ZBTB10: variants seen among roughly 807,000 people sequenced by gnomAD.
ZBTB10 encodes zinc finger and BTB domain-containing protein 10.
ZBTB10 carries 32 observed loss-of-function variants against 76.4 expected under a neutral mutation model. The ratio of observed to expected loss-of-function variants is 0.42; its 90% CI spans 0.32 to 0.56. ZBTB10 has a LOEUF of 0.56. Among genes scored for constraint, ZBTB10 ranks in the 20% least tolerant of loss-of-function variants. The pLI, the probability that ZBTB10 is intolerant of heterozygous loss-of-function variation, is 0.14. For missense variants in ZBTB10, 1,057 were observed against 1,098.5 expected (o/e 0.96, Z 0.53); for synonymous variants, 523 against 432.9 (o/e 1.21, Z -2.58).
intron 2 of ZBTB10, among the ~76,000 whole-genome samples, chr8:80,502,692 A>G (rs1157596657): frequency 6.6e-6 from 1 of 152,040 alleles, no homozygotes; most frequent in Non-Finnish European, 1.5e-5. Context: ...ATAATATGAT[A>G]TAGAACCAAG....
intron 3 of ZBTB10, among the ~76,000 whole-genome samples, chr8:80,515,089 A>G (rs1816294519): frequency 6.6e-6 from 1 of 152,192 alleles, no homozygotes; most frequent in Admixed American, 6.5e-5. Context: ...AAATTAGAAT[A>G]TGTAGTGTGT....
chr8:80,505,437 T>C (rs1253088584), intron 2 of ZBTB10, among the ~76,000 whole-genome samples: 1 of 152,032 alleles, frequency 6.6e-6, no homozygotes. Context: ...ATGTAAATGA[T>C]TTTTTTTCCT....
chr8:80,500,613 T>C (rs1815899087), intron 2 of ZBTB10, among the ~76,000 whole-genome samples: 1 of 152,208 alleles, frequency 6.6e-6, no homozygotes, highest in Non-Finnish European at 1.5e-5. Flanking sequence ...AGCCAGGTAT[T>C]GCATATATTG....
At chr8:80,514,314 A>G (rs767311979) in intron 3 of ZBTB10, among the ~76,000 whole-genome samples, 1 of 152,188 alleles carries the variant, frequency 6.6e-6, no homozygotes, top group African/African-American at 2.4e-5. Context: ...TAATTACGAT[A>G]ATGGTTGAAT....
chr8:80,513,965 T>G lies in ZBTB10; in HGVS notation c.1917T>G (p.Asn639Lys). The change falls in exon 3 of 6, where the codon AAT becomes AAG. Residue 639 changes from asparagine to lysine, a missense_variant. Physicochemically the swap from Asn to Lys is moderately conservative, Grantham distance 94 (BLOSUM62 0). Coordinates refer to ENST00000455036, the MANE Select transcript of ZBTB10 (RefSeq NM_001105539.3). ...GPDGDRNVNA[N>K]LLAEAGTSQD... is the part of the protein sequence containing the mutation. ...ATGGTGATAGGAATGTGAATGCAAATTTATTGGCTGAAGCTGGCACTAGTC... is the reference window on the plus strand; with the variant it reads ...ATGGTGATAGGAATGTGAATGCAAAGTTATTGGCTGAAGCTGGCACTAGTC... The G allele has an allele frequency of 6.2e-7, 1 of 1,613,644 alleles. No individual in the cohort carries two copies. Among genetic ancestry groups the G allele is most frequent in the Non-Finnish European group, 8.5e-7 (1 of 1,179,690 alleles).
chr8:80,487,212 C>G lies in ZBTB10; in HGVS notation c.402C>G (p.Gly134=). Residue 134 remains glycine (G), a synonymous_variant, in exon 1 of 6, where the codon GGC becomes GGG. Coordinates refer to ENST00000455036, the MANE Select transcript of ZBTB10 (RefSeq NM_001105539.3). ...GAGGCGGCGGCGGCGGGGGTCTCGG[C>G]AACAATGGCAGTAGCCGCGGCCGCC... ...AFRGGGGGGL[G]NNGSSRGRPE... is the part of the protein sequence containing the mutation. 2 of 1,545,120 alleles carry G rather than the reference C, an allele frequency of 1.3e-6. No individual in the cohort carries two copies. The highest frequency in any genetic ancestry group is 1.2e-5 in the South Asian group (1 of 83,966).
chr8:80,490,857 A>G (rs1815611599), intron 1 of ZBTB10, among the ~76,000 whole-genome samples: 1 of 152,208 alleles, frequency 6.6e-6, no homozygotes, highest in South Asian at 2.1e-4. Flanking sequence ...GATGGACTGC[A>G]TTTATGATAA....
In ZBTB10 at chr8:80,524,256, A is replaced by G. The variant is rs1585868548; in HGVS notation, c.*4728A>G. ...TTTTTGTTTATTTGTATGTTTTTAT[A>G]TGAAAGTACATAAATGACAGACTAC... On this transcript the variant is annotated 3_prime_UTR_variant, in exon 6 of 6. Coordinates refer to ENST00000455036, the MANE Select transcript of ZBTB10 (RefSeq NM_001105539.3). 6.6e-6 allele frequency: 1 copy of G among 152,188 alleles called. No homozygotes were observed. The highest frequency in any genetic ancestry group is 2.1e-4 in the South Asian group (1 of 4,826). 9.4% of individuals were successfully genotyped at this position (152,188 alleles called of 1,614,324 possible).
At position 80,486,403 on chromosome 8, in the gene ZBTB10, G is replaced by A. The variant is rs1409833524; in HGVS notation, c.-408G>A. ...GCGGAGGAAGGATATCTGTGTGGAGGATCGGTGTGTGCGCGCGCGGCTTTA... is the reference window on the plus strand; with the variant it reads ...GCGGAGGAAGGATATCTGTGTGGAGAATCGGTGTGTGCGCGCGCGGCTTTA... On this transcript the variant is annotated 5_prime_UTR_variant, in exon 1 of 6. Coordinates refer to ENST00000455036, the MANE Select transcript of ZBTB10 (RefSeq NM_001105539.3). 5.1e-6 allele frequency: 5 copies of A among 984,606 alleles called. No homozygotes were observed. The highest frequency in any genetic ancestry group is 4.8e-6 in the Non-Finnish European group (4 of 830,634). The allele number at this position is 984,606 out of a possible 1,614,324, so 61.0% of individuals were successfully genotyped here. A position where few individuals can be genotyped will look rare whatever the true frequency, so the allele number is the denominator to read the frequency against.
intron 3 of ZBTB10, among the ~76,000 whole-genome samples, chr8:80,517,030 C>A (rs1436036110): frequency 1.3e-5 from 2 of 152,038 alleles, no homozygotes; most frequent in African/African-American, 2.4e-5. Context: ...GAACAGAGGT[C>A]AGTATAGTTG....
At position 80,502,960 on chromosome 8, in the gene ZBTB10, T is replaced by C. The variant is rs144392187; in HGVS notation, c.1861+2578T>C. 3.3e-3 allele frequency among the ~76,000 whole-genome samples: 499 copies of C among 152,286 alleles called. 5 individuals are homozygous for C. Among genetic ancestry groups the C allele is most frequent in the African/African-American group, 0.011 (475 of 41,566 alleles). On this transcript the variant is annotated intron_variant, in intron 2 of 5. Transcript: ENST00000455036. The stretch of plus-strand genomic sequence containing the variant: ...CATGCCGTAAAGGGTCTCTCTTCTG[T>C]GGATTCCAATTTAATTGGTATGGAA...
Position 80,513,961 on chromosome 8 carries a change from C to A in ZBTB10, c.1913C>A (p.Ala638Glu), listed in dbSNP as rs76767219. ...SGPDGDRNVN[A>E]NLLAEAGTSQ... ...CCAGATGGTGATAGGAATGTGAATGCAAATTTATTGGCTGAAGCTGGCACT... is the reference window on the plus strand; with the variant it reads ...CCAGATGGTGATAGGAATGTGAATGAAAATTTATTGGCTGAAGCTGGCACT... The change falls in exon 3 of 6, where the codon GCA becomes GAA. Residue 638 changes from alanine to glutamate, a missense_variant. Ala to Glu is a moderately radical substitution (Grantham distance 107, BLOSUM62 -1). Around this residue, in one of 5 missense-constraint regions of ZBTB10, gnomAD observed 306 missense variants for 297.5 expected, o/e 1.03. Coordinates refer to ENST00000455036, the MANE Select transcript of ZBTB10 (RefSeq NM_001105539.3). 0.031 allele frequency: 49,556 copies of A among 1,613,282 alleles called. 859 individuals carry two copies. Among genetic ancestry groups the A allele is most frequent in the Non-Finnish European group, 0.034 (40,174 of 1,179,476 alleles).
chr8:80,525,374 C>T lies in ZBTB10; in HGVS notation c.*5846C>T, dbSNP rs930809575. The T allele has an allele frequency of 1.4e-4, 21 of 152,052 alleles. No homozygotes were observed. Among genetic ancestry groups the T allele is most frequent in the Admixed American group, 4.6e-4 (7 of 15,244 alleles). 9.4% of individuals were successfully genotyped at this position (152,052 alleles called of 1,614,324 possible). A position where few individuals can be genotyped will look rare whatever the true frequency, so the allele number is the denominator to read the frequency against. On this transcript the variant is annotated 3_prime_UTR_variant, in exon 6 of 6. Coordinates refer to ENST00000455036, the MANE Select transcript of ZBTB10 (RefSeq NM_001105539.3). ...GCGCCTTACCTGCTATTAATACTGC[C>T]GCCTTACTGTCAGCCAGATGATTTT... is the stretch of plus-strand genomic sequence containing the variant.
chr8:80,486,178 A>C, upstream of ZBTB10: 4 of 927,706 alleles, frequency 4.3e-6, no homozygotes, highest in Middle Eastern at 4.4e-4. Context: ...TTCCCCCTCC[A>C]GCGGTTACTG....
At chr8:80,494,779 C>A (rs1265058756) in intron 1 of ZBTB10, among the ~76,000 whole-genome samples, 1 of 151,830 alleles carries the variant, frequency 6.6e-6, no homozygotes, top group African/African-American at 2.4e-5. Flanking sequence ...AATAAAATAA[C>A]TGGGCGTGGT....
Position 80,499,491 on chromosome 8 carries a change from C to T in ZBTB10, c.973-3C>T, listed in dbSNP as rs995729639. 8.9e-6 allele frequency: 14 copies of T among 1,570,384 alleles called. No homozygotes were observed. In the African/African-American group the frequency reaches 1.4e-4, roughly 15 times the overall value. On this transcript the variant is annotated splice_polypyrimidine_tract_variant and splice_region_variant and intron_variant, in intron 1 of 5. Coordinates refer to ENST00000455036, the MANE Select transcript of ZBTB10 (RefSeq NM_001105539.3). ...AATATTAATGTTTTTTATCCAATTA[C>T]AGGAGTCAGAAATACCATCAGAGGA...
rs1280580809 is a variant in ZBTB10, at chr8:80,497,693, T to TC, written c.973-1801_973-1800insC. Among the ~76,000 whole-genome samples the TC allele has an allele frequency of 2.7e-5, 4 of 146,962 alleles. No homozygotes were observed. In the East Asian group the frequency reaches 7.8e-4, roughly 29 times the overall value. Reference sequence around the variant, plus strand: ...AGTGTGTCCTGGAATCTTTTTTTTTTTTTTTTTTTTTTTGAGACAGGTCTC... The same window carrying TC: ...AGTGTGTCCTGGAATCTTTTTTTTTTCTTTTTTTTTTTTTGAGACAGGTCTC... On this transcript the variant is annotated intron_variant, in intron 1 of 5. Coordinates refer to ENST00000455036, the MANE Select transcript of ZBTB10 (RefSeq NM_001105539.3).
rs1302571774 is a variant in ZBTB10 at position 80,500,243 on chromosome 8, A to G, written c.1722A>G (p.Thr574=). The G allele has an allele frequency of 1.3e-6, 2 of 1,589,890 alleles. No individual in the cohort carries two copies. The highest frequency in any genetic ancestry group is 1.7e-4 in the Middle Eastern group (1 of 6,044). ...AGGGAATTCAAGAGACTGGCAAAAC[A>G]AGGAGGAAAAACCAAACTACAAAAA... is the stretch of plus-strand genomic sequence containing the variant. ...GSQGIQETGK[T]RRKNQTTKRF... The change falls in exon 2 of 6, where the codon ACA becomes ACG. Residue 574 remains threonine, a synonymous_variant. Coordinates refer to ENST00000455036, the MANE Select transcript of ZBTB10 (RefSeq NM_001105539.3).
Position 80,522,027 on chromosome 8 carries a change from AT to A in ZBTB10, c.*2503del, listed in dbSNP as rs1338191879. The stretch of plus-strand genomic sequence containing the variant: ...ATATAAAAATTTCTTTGAAGTAAAC[AT>A]TTTACCGGAAACAGAATTGACAGAT... On this transcript the variant is annotated 3_prime_UTR_variant, in exon 6 of 6. Transcript: ENST00000455036. 6.6e-6 allele frequency: 1 copy of A among 151,908 alleles called. No individual in the cohort carries two copies. The highest frequency in any genetic ancestry group is 1.5e-5 in the Non-Finnish European group (1 of 67,814). 9.4% of individuals were successfully genotyped at this position (151,908 alleles called of 1,614,324 possible).
Sources: allele counts gnomAD v4.1 joint callset (sites outside exome capture counted in the v4.1 genomes callset), GRCh38; gene constraint gnomAD v4.1.1; regional missense constraint gnomAD v4.1.1; transcripts MANE v1.5; gene names NCBI Gene and HGNC (gene_info 2026-07-23, HGNC 2026-07-21).